RSF1: variants seen among roughly 807,000 people sequenced by gnomAD.
RSF1 encodes the protein HBV pX-associated protein 8.
Under a neutral mutation model 145.2 loss-of-function variants are expected in RSF1, and 13 were observed. The ratio of observed to expected loss-of-function variants is 0.09; its 90% CI spans 0.06 to 0.14. RSF1 has a LOEUF of 0.14. Among genes scored for constraint, RSF1 ranks in the 10% least tolerant of loss-of-function variants. The pLI is 1.00. For synonymous variants in RSF1, 577 were observed against 592.6 expected (o/e 0.97, Z 0.38); for missense variants, 1,517 against 1,718.2 (o/e 0.88, Z 2.07).
the RSF1 span, among the ~76,000 whole-genome samples, chr11:77,865,790 C>T: frequency 6.6e-6 from 1 of 152,182 alleles, no homozygotes; most frequent in African/African-American, 2.4e-5. Context: ...GATAATTCCA[C>T]TTGTATGAAA....
At chr11:77,816,493 A>C (rs981445435) in intron 1 of RSF1, among the ~76,000 whole-genome samples, 2 of 152,226 alleles carry the variant, frequency 1.3e-5, no homozygotes, top group Non-Finnish European at 2.9e-5. Context: ...AATGAAACAA[A>C]AAACTAATGG....
In RSF1 at chr11:77,702,426, G is replaced by T. The variant is rs765423721; in HGVS notation, c.803C>A (p.Ala268Asp). The T allele has an allele frequency of 6.3e-7, 1 of 1,584,850 alleles. No individual in the cohort carries two copies. Among genetic ancestry groups the T allele is most frequent in the South Asian group, 1.2e-5 (1 of 83,890 alleles). The change falls in exon 6 of 16, where the codon GCC (alanine) becomes GAC (aspartate). Residue 268 changes from alanine to aspartate, a missense_variant. Physicochemically the swap from Ala to Asp is moderately radical, Grantham distance 126. Coordinates refer to ENST00000308488, the MANE Select transcript of RSF1 (RefSeq NM_016578.4). ...QPMDLENRST[A>D]NVLEETTVKK... is the part of the protein sequence containing the mutation. ...CACAGTAGTCTCTTCTAGAACATTGGCTGTAGAACGGTTTTCTAAATCCAT... is the reference window on the plus strand; with the variant it reads ...CACAGTAGTCTCTTCTAGAACATTGTCTGTAGAACGGTTTTCTAAATCCAT...
intron 11 of RSF1, among the ~76,000 whole-genome samples, chr11:77,683,215 C>T (rs369946180): frequency 6.6e-6 from 1 of 152,044 alleles, no homozygotes; most frequent in South Asian, 2.1e-4. Flanking sequence ...CGCTTGAACC[C>T]GAGAGGTGGA....
At chr11:77,670,975 C>T (rs983808327) in intron 15 of RSF1, among the ~76,000 whole-genome samples, 179 of 149,944 alleles carry the variant, frequency 1.2e-3, no homozygotes, top group African/African-American at 4.1e-3. Flanking sequence ...GGCTTGGTGG[C>T]ACATGCCTAA....
In RSF1 at chr11:77,698,111, G is replaced by A. The variant is rs558788665; in HGVS notation, c.2715+376C>T. Among the ~76,000 whole-genome samples, 62 of 152,304 alleles carry A rather than the reference G, an allele frequency of 4.1e-4. 1 individual carries two copies. In the South Asian group the frequency reaches 8.1e-3, roughly 20 times the overall value. ...TCCTCCTACCTCAGCCACCTGAGTA[G>A]CTGGAACTACTGGCATGTGGCCACC... On this transcript the variant is annotated intron_variant, in intron 7 of 15. Transcript: ENST00000308488.
intron 1 of RSF1, among the ~76,000 whole-genome samples, chr11:77,819,925 G>A (rs1360334995): frequency 1.3e-5 from 2 of 152,154 alleles, no homozygotes; most frequent in African/African-American, 4.8e-5. Flanking sequence ...GGAGTTTTAG[G>A]GGTTAAAGCA....
At chr11:77,719,050 C>A (rs1039821722) in intron 5 of RSF1, among the ~76,000 whole-genome samples, 4 of 151,910 alleles carry the variant, frequency 2.6e-5, no homozygotes, top group Non-Finnish European at 5.9e-5. Flanking sequence ...AGTTTGAGAC[C>A]AGATGGGGCA....
intron 2 of RSF1, chr11:77,763,875 G>C (rs1478702528): frequency 1.3e-5 from 2 of 152,090 alleles, no homozygotes; most frequent in South Asian, 2.1e-4. Context: ...CTGGCATCAG[G>C]GACCAGTTTT....
At chr11:77,742,050 C>T (rs941300875) in intron 3 of RSF1, among the ~76,000 whole-genome samples, 1 of 152,166 alleles carries the variant, frequency 6.6e-6, no homozygotes, top group Non-Finnish European at 1.5e-5. Flanking sequence ...CTTCTGTTGA[C>T]GGACATTTAG....
the RSF1 span, among the ~76,000 whole-genome samples, chr11:77,851,713 T>C: frequency 6.6e-6 from 1 of 152,242 alleles, no homozygotes; most frequent in South Asian, 2.1e-4. Context: ...TCATATGACA[T>C]GCCTACTCCC....
In RSF1 at chr11:77,757,481, C is replaced by T. The variant is rs1395284352; in HGVS notation, c.279+7117G>A. On this transcript the variant is annotated intron_variant, in intron 2 of 15. Coordinates refer to ENST00000308488, the MANE Select transcript of RSF1 (RefSeq NM_016578.4). ...GATCACGAGGTCAGGAGATCGAGAC[C>T]ATCCTGGCCAACATGGTGAAACCCC... Among the ~76,000 whole-genome samples, 3 of 152,070 alleles carry T rather than the reference C, an allele frequency of 2.0e-5. No homozygotes were observed. In the East Asian group the frequency reaches 5.8e-4, roughly 29 times the overall value.
At chr11:77,857,973 C>T in the RSF1 span, among the ~76,000 whole-genome samples, 10 of 152,214 alleles carry the variant, frequency 6.6e-5, no homozygotes, top group East Asian at 1.7e-3. Context: ...GGATTACAGG[C>T]GTGAGCCAAC....
chr11:77,846,310 T>C, the RSF1 span, among the ~76,000 whole-genome samples: 1 of 152,208 alleles, frequency 6.6e-6, no homozygotes, highest in Non-Finnish European at 1.5e-5. Flanking sequence ...TTGAGGTCAA[T>C]TTCTTCTTTT....
rs1590815092 is a variant in RSF1 at position 77,660,283 on chromosome 11, A to G, written c.*6634T>C. On this transcript the variant is annotated 3_prime_UTR_variant, in exon 16 of 16. Coordinates refer to ENST00000308488, the MANE Select transcript of RSF1 (RefSeq NM_016578.4). ...AACAACTATGCACTGCAATTCTAAC[A>G]CACTAGGTGTTCATACACTGAAGTT... The G allele has an allele frequency of 6.6e-6, 1 of 152,186 alleles. No individual in the cohort carries two copies. The highest frequency in any genetic ancestry group is 2.1e-4 in the South Asian group (1 of 4,836). 9.4% of individuals were successfully genotyped at this position (152,186 alleles called of 1,614,324 possible).
the RSF1 span, chr11:77,831,860 TAA>T: frequency 7.4e-6 from 1 of 135,280 alleles, no homozygotes; most frequent in Admixed American, 8.4e-5. Flanking sequence ...CATGCCTGGC[TAA>T]TTTTTTTTTT....
At chr11:77,680,306 G>A (rs1206052586) in intron 11 of RSF1, among the ~76,000 whole-genome samples, 1 of 152,020 alleles carries the variant, frequency 6.6e-6, no homozygotes, top group African/African-American at 2.4e-5. Context: ...CAGGTGTGGT[G>A]ATGTGTGCCT....
At chr11:77,679,831 A>G (rs1959811639) in intron 11 of RSF1, among the ~76,000 whole-genome samples, 1 of 152,208 alleles carries the variant, frequency 6.6e-6, no homozygotes, top group Non-Finnish European at 1.5e-5. Flanking sequence ...CTTAAAGAAA[A>G]GGATCAAGAC....
chr11:77,789,782 C>T (rs1196391893), intron 1 of RSF1, among the ~76,000 whole-genome samples: 5 of 152,222 alleles, frequency 3.3e-5, no homozygotes, highest in African/African-American at 1.2e-4. Flanking sequence ...GCCCTTCTGG[C>T]CCAGCTTCAC....
intron 3 of RSF1, 68 bp from the exon 4 acceptor site, chr11:77,741,004 C>T: frequency 2.6e-6 from 3 of 1,166,156 alleles, no homozygotes; most frequent in African/African-American, 3.0e-5. Flanking sequence ...AAATATGATA[C>T]AACCGTAGAA....
Sources: gnomAD v4.1 joint callset for allele counts (sites outside exome capture counted in the v4.1 genomes callset) on GRCh38, gnomAD v4.1.1 for gene constraint, MANE v1.5 for transcripts, NCBI Gene and HGNC (gene_info 2026-07-23, HGNC 2026-07-21) for gene names.